The following SMARCA1 variants were observed in gnomAD, a reference collection of about 807,000 sequenced individuals.
The protein encoded by SMARCA1 is SNF2 related chromatin remodeling ATPase 1, also known as SWI/SNF-related matrix-associated actin-dependent regulator of chromatin subfamily A member 1.
SMARCA1 carries 17 observed loss-of-function variants against 93.6 expected under a neutral mutation model. The observed-to-expected ratio is 0.18, with a 90% confidence interval of 0.12 to 0.27. The LOEUF (loss-of-function observed/expected upper bound fraction) is 0.27. SMARCA1 is among the 10% of genes least tolerant of loss of function. The pLI is 1.00. For missense variants in SMARCA1, 630 were observed against 819.0 expected (o/e 0.77, Z 2.82); for synonymous variants, 271 against 271.4 (o/e 1.00, Z 0.01).
intron 23 of SMARCA1, 69 bp from the exon 24 acceptor site, chrX:129,448,512 T>C: frequency 2.1e-6 from 2 of 944,401 alleles, no homozygotes; most frequent in Non-Finnish European, 3.0e-6. Flanking sequence ...TGACAACTAT[T>C]TAACTGTATG....
In SMARCA1 at chrX:129,481,167, T is replaced by A; in HGVS notation, c.2236A>T (p.Ile746Phe). 8.4e-7 allele frequency: 1 copy of A among 1,193,309 alleles called. No homozygotes were observed. The highest frequency in any genetic ancestry group is 1.1e-6 in the Non-Finnish European group (1 of 879,628). ...TTGCGTTCTCGTTTAGGAGGTTCAA[T>A]CCATTCCACCATGCCAAGCTATACA... ...EKQKLGMVEW[I>F]EPPKRERKAN... Residue 746 changes from isoleucine (I) to phenylalanine (F), a missense_variant, in exon 18 of 25, where the codon ATT becomes TTT. Physicochemically the swap from Ile to Phe is conservative, Grantham distance 21. Transcript: ENST00000371121.
At chrX:129,501,872 C>G (rs1268605232) in intron 9 of SMARCA1, among the ~76,000 whole-genome samples, 1 of 112,037 alleles carries the variant, frequency 8.9e-6, no homozygotes, top group African/African-American at 3.2e-5. Context: ...CTCGGCCTCC[C>G]AAAGTGCTGG....
In SMARCA1 at chrX:129,463,138, C is replaced by G. The variant is rs185853542; in HGVS notation, c.3030+2382G>C. Among the ~76,000 whole-genome samples the G allele has an allele frequency of 2.9e-3, 322 of 111,412 alleles. 1 individual carries two copies. Among genetic ancestry groups the G allele is most frequent in the Admixed American group, 7.4e-3 (77 of 10,460 alleles). On this transcript the variant is annotated intron_variant, in intron 23 of 24. Coordinates refer to ENST00000371121, the MANE Select transcript of SMARCA1 (RefSeq NM_001282874.2). ...ATCACTGAAATAAAAACTCAAAATT[C>G]AATAACTGTTCTATCACAGAAAAGG... is the stretch of plus-strand genomic sequence containing the variant.
At chrX:129,476,257 C>T (rs1456560117) in intron 19 of SMARCA1, among the ~76,000 whole-genome samples, 1 of 112,199 alleles carries the variant, frequency 8.9e-6, no homozygotes, top group Non-Finnish European at 1.9e-5. Context: ...AGAATGGGCA[C>T]ATTATGTACT....
At chrX:129,503,964 CAAA>C (rs77290378) in intron 9 of SMARCA1, among the ~76,000 whole-genome samples, 6 of 60,184 alleles carry the variant, frequency 1.0e-4, no homozygotes, top group Admixed American at 2.1e-4. Flanking sequence ...GACTCTCTCT[CAAA>C]AAAAAAAAAA....
intron 23 of SMARCA1, 78 bp from the exon 24 acceptor site, chrX:129,448,521 T>A (rs1932117532): frequency 1.1e-6 from 1 of 903,240 alleles, no homozygotes; most frequent in Non-Finnish European, 1.6e-6. Flanking sequence ...TTTAACTGTA[T>A]GATTTCTGTG....
intron 17 of SMARCA1, among the ~76,000 whole-genome samples, chrX:129,483,265 A>C (rs777145744): frequency 8.9e-6 from 1 of 112,191 alleles, no homozygotes; most frequent in South Asian, 3.7e-4. Flanking sequence ...AGAATATAAA[A>C]CAGTGAAACA....
In SMARCA1 at chrX:129,523,362, C is replaced by T. The variant is rs778821029; in HGVS notation, c.9G>A (p.Gln3=). The T allele has an allele frequency of 8.6e-7, 1 of 1,167,862 alleles. No homozygotes were observed. The highest frequency in any genetic ancestry group is 1.9e-5 in the South Asian group (1 of 52,119). The part of the protein sequence containing the change: ME[Q]DTAAVAATVA... Reference sequence around the variant, plus strand: ...CGGTGGCTGCCACTGCGGCAGTGTCCTGCTCCATGCCGTGGGAGCGGGAAC... The same window carrying T: ...CGGTGGCTGCCACTGCGGCAGTGTCTTGCTCCATGCCGTGGGAGCGGGAAC... Residue 3 remains glutamine, a synonymous_variant, in exon 1 of 25, where the codon CAG becomes CAA. Transcript: ENST00000371121.
In SMARCA1 at chrX:129,504,802, C is replaced by T; in HGVS notation, c.1099G>A (p.Asp367Asn). The stretch of plus-strand genomic sequence containing the variant: ...TTAGTGTCAAACCAAGAATCAAAGT[C>T]CTGTAGAGGGGTGGAAATTCTCCAA... ...LLPDVFNSAD[D>N]FDSWFDTKNC... The change falls in exon 9 of 25, where the codon GAC becomes AAC. Residue 367 changes from aspartate (D) to asparagine (N), a missense_variant and splice_region_variant. Around this residue, in one of 4 missense-constraint regions of SMARCA1, gnomAD observed 382 missense variants for 537.9 expected, o/e 0.71. Coordinates refer to ENST00000371121, the MANE Select transcript of SMARCA1 (RefSeq NM_001282874.2). The T allele has an allele frequency of 8.5e-7, 1 of 1,180,538 alleles. No individual in the cohort carries two copies. The highest frequency in any genetic ancestry group is 1.2e-6 in the Non-Finnish European group (1 of 868,716).
At chrX:129,514,681 C>T (rs184179646) in intron 5 of SMARCA1, among the ~76,000 whole-genome samples, 5 of 111,168 alleles carry the variant, frequency 4.5e-5, no homozygotes, top group Middle Eastern at 4.6e-3. Context: ...AATAAAGAGA[C>T]GACAAGGAAA....
At chrX:129,488,475 G>A (rs1272906230) in intron 16 of SMARCA1, among the ~76,000 whole-genome samples, 1 of 107,732 alleles carries the variant, frequency 9.3e-6, no homozygotes, top group Non-Finnish European at 1.9e-5. Context: ...GTGCATGTTG[G>A]TACATGCCTG....
At chrX:129,476,027 C>T (rs1315641482) in intron 19 of SMARCA1, among the ~76,000 whole-genome samples, 4 of 112,328 alleles carry the variant, frequency 3.6e-5, no homozygotes, top group African/African-American at 6.5e-5. Context: ...TCTTTAGCTT[C>T]GAATGTGGCA....
chrX:129,497,798 C>T, intron 11 of SMARCA1, 47 bp downstream of exon 11: 1 of 823,086 alleles, frequency 1.2e-6, no homozygotes, highest in Non-Finnish European at 1.8e-6. Flanking sequence ...ATATACAAGT[C>T]ATTAATATAA....
chrX:129,473,795 T>C (rs780594957), intron 19 of SMARCA1, among the ~76,000 whole-genome samples: 1 of 112,185 alleles, frequency 8.9e-6, no homozygotes, highest in South Asian at 3.7e-4. Flanking sequence ...TGGTTGCCTC[T>C]GAGGAGTGCA....
chrX:129,515,602 AG>A, intron 5 of SMARCA1, 84 bp downstream of exon 5: 5 of 605,957 alleles, frequency 8.3e-6, no homozygotes, highest in Non-Finnish European at 1.4e-5. Context: ...TCCAGGCATC[AG>A]GGGGGCAGGT....
intron 21 of SMARCA1, among the ~76,000 whole-genome samples, 167 bp from the exon 22 acceptor site, chrX:129,466,129 A>G (rs1314168701): frequency 9.0e-6 from 1 of 111,194 alleles, no homozygotes; most frequent in African/African-American, 3.3e-5. Context: ...AAATACTACT[A>G]ACTTTTCACT....
At chrX:129,496,172 TACTC>T (rs1934317532) in intron 12 of SMARCA1, among the ~76,000 whole-genome samples, 1 of 99,266 alleles carries the variant, frequency 1.0e-5, no homozygotes, top group Non-Finnish European at 2.0e-5. Flanking sequence ...TAGATAAGCT[TACTC>T]ACTAAGTGAC....
intron 19 of SMARCA1, among the ~76,000 whole-genome samples, chrX:129,479,212 G>A (rs187677878): frequency 4.5e-5 from 5 of 111,783 alleles, no homozygotes; most frequent in Non-Finnish European, 7.5e-5. Context: ...GTTAATGAAC[G>A]TAACAGAAAA....
chrX:129,463,767 A>T (rs1932846913), intron 23 of SMARCA1, among the ~76,000 whole-genome samples: 1 of 110,237 alleles, frequency 9.1e-6, no homozygotes, highest in South Asian at 3.9e-4. Flanking sequence ...GTGAAACCCC[A>T]TCTCTACTAA....
Sources: allele counts gnomAD v4.1 joint callset (sites outside exome capture counted in the v4.1 genomes callset), GRCh38; gene constraint gnomAD v4.1.1; regional missense constraint gnomAD v4.1.1; transcripts MANE v1.5; gene names NCBI Gene and HGNC (gene_info 2026-07-23, HGNC 2026-07-21).